DCHS1: variants seen among roughly 807,000 people sequenced by gnomAD.
DCHS1 encodes the protein protocadherin-16.
DCHS1 carries 78 observed loss-of-function variants against 213.9 expected under a neutral mutation model. That is an observed-to-expected ratio of 0.36 (90% confidence interval 0.30 to 0.44). DCHS1 has a LOEUF of 0.44. Among genes scored for constraint, DCHS1 ranks in the 20% least tolerant of loss-of-function variants. DCHS1 has a pLI of 1.00. For missense variants in DCHS1, 3,946 were observed against 4,395.9 expected (o/e 0.90, Z 2.89); for synonymous variants, 1,828 against 1,873.7 (o/e 0.98, Z 0.63).
At chr11:6,642,938 A>T (rs1856100689) in intron 1 of DCHS1, among the ~76,000 whole-genome samples, 1 of 152,112 alleles carries the variant, frequency 6.6e-6, no homozygotes, top group Non-Finnish European at 1.5e-5. Context: ...CGAGAAGTGG[A>T]TAGGTCTCTG....
chr11:6,621,573 G>A lies in DCHS1; in HGVS notation c.*206C>T, dbSNP rs1336156103. 1.4e-6 allele frequency: 1 copy of A among 711,614 alleles called. No homozygotes were observed. The highest frequency in any genetic ancestry group is 2.5e-6 in the Non-Finnish European group (1 of 395,596). The allele number at this position is 711,614 out of a possible 1,614,324, so 44.1% of individuals were successfully genotyped here. On this transcript the variant is annotated 3_prime_UTR_variant, in exon 21 of 21. Transcript: ENST00000299441. ...CCTCCTTCATATTTCTCCCCACATT[G>A]GACCTGGTCACAGGTCAGTGAGCAA... is the stretch of plus-strand genomic sequence containing the variant.
At position 6,625,873 on chromosome 11, in the gene DCHS1, T is replaced by C. The variant is rs1300731245; in HGVS notation, c.6731+47A>G. 4 of 1,603,118 alleles carry C rather than the reference T, an allele frequency of 2.5e-6. No homozygotes were observed. The highest frequency in any genetic ancestry group is 3.4e-6 in the Non-Finnish European group (4 of 1,175,000). On this transcript the variant is annotated intron_variant, in intron 17 of 20. Transcript: ENST00000299441. This position sits in a 1 kb window ranked among gnomAD's most constrained non-coding sequence, Gnocchi z 5.3. The stretch of plus-strand genomic sequence containing the variant: ...ATGAGTTCAAGGCAGGGCTTGAAAC[T>C]GGACAGGCCCAAGATGGGGTCTTGG...
intron 2 of DCHS1, 131 bp downstream of exon 2, chr11:6,639,686 A>G (rs970811563): frequency 5.9e-5 from 47 of 791,320 alleles, no homozygotes; most frequent in Middle Eastern, 3.7e-4. Flanking sequence ...GGAGCTTACA[A>G]CATAGGGCAG....
rs758656034 is a variant in DCHS1, at chr11:6,621,707, G to C, written c.*72C>G. The C allele has an allele frequency of 5.5e-5, 83 of 1,513,910 alleles. No individual in the cohort carries two copies. The highest frequency in any genetic ancestry group is 7.0e-5 in the Non-Finnish European group (79 of 1,125,014). The allele number at this position is 1,513,910 out of a possible 1,614,324, so 93.8% of individuals were successfully genotyped here. ...CCAGTCATAGTCCGAGGCTGCCCAGGGCAGGCTCAGAGTGGGGCCTGCGTT... is the reference window on the plus strand; with the variant it reads ...CCAGTCATAGTCCGAGGCTGCCCAGCGCAGGCTCAGAGTGGGGCCTGCGTT... On this transcript the variant is annotated 3_prime_UTR_variant, in exon 21 of 21. Transcript: ENST00000299441.
chr11:6,623,620 G>A lies in DCHS1; in HGVS notation c.8056C>T (p.His2686Tyr). The change falls in exon 21 of 21, where the codon CAC becomes TAC. Residue 2686 changes from histidine (H) to tyrosine (Y), a missense_variant. His to Tyr is a moderately conservative substitution (Grantham distance 83). Around this residue, in one of 3 missense-constraint regions of DCHS1, gnomAD observed 3,384 missense variants for 3,780.1 expected, o/e 0.90. Transcript: ENST00000299441. Reference protein sequence around the residue: ...VVQAADPAGAHFALAPVTIEV... With the variant: ...VVQAADPAGAYFALAPVTIEV... ...ATTGTCACTGGTGCCAAAGCAAAGT[G>A]TGCACCAGCAGGGTCAGCAGCCTGT... The A allele has an allele frequency of 6.2e-7, 1 of 1,613,818 alleles. No individual in the cohort carries two copies. The highest frequency in any genetic ancestry group is 1.1e-5 in the South Asian group (1 of 91,084).
intron 1 of DCHS1, among the ~76,000 whole-genome samples, chr11:6,654,991 AC>A (rs57743591): frequency 0.39 from 58,223 of 148,884 alleles, 12,325 homozygotes; most frequent in African/African-American, 0.56. Flanking sequence ...CGTCTGGGTG[AC>A]CCCCCCCTCC....
Position 6,638,891 on chromosome 11 carries a change from T to G in DCHS1, c.1797+926A>C, listed in dbSNP as rs562635848. 2.2e-3 allele frequency among the ~76,000 whole-genome samples: 335 copies of G among 152,152 alleles called. 2 individuals carry two copies. The highest frequency in any genetic ancestry group is 7.6e-3 in the African/African-American group (315 of 41,506). The stretch of plus-strand genomic sequence containing the variant: ...TTCCCAGCTCAAAGAAATTCAGTGA[T>G]CTCCTCGAGGGCAGATCAAGACCAT... On this transcript the variant is annotated intron_variant, in intron 2 of 20. Coordinates refer to ENST00000299441, the MANE Select transcript of DCHS1 (RefSeq NM_003737.4).
chr11:6,652,065 C>T (rs910640728), intron 1 of DCHS1, among the ~76,000 whole-genome samples: 2 of 152,152 alleles, frequency 1.3e-5, no homozygotes, highest in African/African-American at 4.8e-5. Flanking sequence ...CTTTAAGGAA[C>T]AGTGACATTC....
Position 6,625,095 on chromosome 11 carries a change from C to T in DCHS1, c.7146+103G>A. On this transcript the variant is annotated intron_variant, in intron 19 of 20. Coordinates refer to ENST00000299441, the MANE Select transcript of DCHS1 (RefSeq NM_003737.4). This position sits in a 1 kb window ranked among gnomAD's most constrained non-coding sequence, Gnocchi z 5.3. Reference sequence around the variant, plus strand: ...ACTTGGGACCTTCCCATTCCCAGATCAGCTCCAACGTCCAGCCCACCTCAG... The same window carrying T: ...ACTTGGGACCTTCCCATTCCCAGATTAGCTCCAACGTCCAGCCCACCTCAG... The T allele has an allele frequency of 6.8e-7, 1 of 1,475,846 alleles. No homozygotes were observed. The highest frequency in any genetic ancestry group is 1.4e-5 in the South Asian group (1 of 73,706). The allele number at this position is 1,475,846 out of a possible 1,614,324, so 91.4% of individuals were successfully genotyped here.
intron 1 of DCHS1, among the ~76,000 whole-genome samples, chr11:6,643,890 A>G (rs1383099623): frequency 6.6e-6 from 1 of 152,178 alleles, no homozygotes; most frequent in Non-Finnish European, 1.5e-5. Context: ...CAGGTGTCCA[A>G]CTAGCAATCC....
At chr11:6,651,765 G>A (rs972242241) in intron 1 of DCHS1, among the ~76,000 whole-genome samples, 2 of 152,182 alleles carry the variant, frequency 1.3e-5, no homozygotes, top group Admixed American at 6.5e-5. Context: ...TATGGGATAC[G>A]TGGAGAAGGG....
chr11:6,632,510 T>C lies in DCHS1; in HGVS notation c.3002A>G (p.Asn1001Ser), dbSNP rs1025532984. 3 of 1,552,278 alleles carry C rather than the reference T, an allele frequency of 1.9e-6. No homozygotes were observed. The highest frequency in any genetic ancestry group is 1.7e-6 in the Non-Finnish European group (2 of 1,147,596). Residue 1001 changes from asparagine (N) to serine (S), a missense_variant, in exon 6 of 21, where the codon AAC (asparagine) becomes AGC (serine). Coordinates refer to ENST00000299441, the MANE Select transcript of DCHS1 (RefSeq NM_003737.4). The surrounding 1 kb of genome is among the most constrained non-coding windows in gnomAD (Gnocchi z 5.9). ...CAGGTCCACACGGTAGGTAGGGCTGTTGAATCGGGGAGCCAGCCCACGGGT... is the reference window on the plus strand; with the variant it reads ...CAGGTCCACACGGTAGGTAGGGCTGCTGAATCGGGGAGCCAGCCCACGGGT... ...VGTRGLAPRF[N>S]SPTYRVDLPS...
Position 6,633,874 on chromosome 11 carries a change from G to C in DCHS1, c.2133C>G (p.Asp711Glu). The change falls in exon 4 of 21, where the codon GAC becomes GAG. Residue 711 changes from aspartate (D) to glutamate (E), a missense_variant. Coordinates refer to ENST00000299441, the MANE Select transcript of DCHS1 (RefSeq NM_003737.4). ...GTCGCCCATGGGATCCCTGGTCAGG[G>C]TCATGGGCACGCAACCTCAGCACAG... ...GTAVLRLRAH[D>E]PDQGSHGRLS... The C allele has an allele frequency of 6.2e-7, 1 of 1,614,022 alleles. No individual in the cohort carries two copies.
At position 6,640,286 on chromosome 11, in the gene DCHS1, G is replaced by A. The variant is rs746821895; in HGVS notation, c.1328C>T (p.Thr443Ile). The A allele has an allele frequency of 4.4e-6, 7 of 1,607,918 alleles. No homozygotes were observed. Among genetic ancestry groups the A allele is most frequent in the Admixed American group, 1.7e-5 (1 of 58,832 alleles). The change falls in exon 2 of 21, where the codon ACA (threonine) becomes ATA (isoleucine). Residue 443 changes from threonine (T) to isoleucine (I), a missense_variant. Thr to Ile is a moderately conservative substitution (Grantham distance 89, BLOSUM62 -1). Transcript: ENST00000299441. The surrounding 1 kb of genome is among the most constrained non-coding windows in gnomAD (Gnocchi z 6.5). ...TGGAGGTGAGCCTGAGTCTGTGGCT[G>A]TAACCCTCAAGTTATAGGCATCCCT... The part of the protein sequence containing the change: ...EERDAYNLRV[T>I]ATDSGSPPLR...
In DCHS1 at chr11:6,630,691, G is replaced by C; in HGVS notation, c.4103C>G (p.Thr1368Arg). The C allele has an allele frequency of 6.5e-7, 1 of 1,544,176 alleles. No homozygotes were observed. Among genetic ancestry groups the C allele is most frequent in the Non-Finnish European group, 8.7e-7 (1 of 1,147,614 alleles). The change falls in exon 10 of 21, where the codon ACA becomes AGA. Residue 1368 changes from threonine (T) to arginine (R), a missense_variant. By Grantham distance (71) the Thr-to-Arg change is moderately conservative. Coordinates refer to ENST00000299441, the MANE Select transcript of DCHS1 (RefSeq NM_003737.4). ...CTCGGGATCGGCACCGCCCACCAGT[G>C]TGTAGGTGAGTGCACCCACACCCGC... ...EPAGVGALTYTLVGGADPEGT... is the reference protein window; with the variant it reads ...EPAGVGALTYRLVGGADPEGT...
chr11:6,621,445 G>A lies in DCHS1; in HGVS notation c.*334C>T. The stretch of plus-strand genomic sequence containing the variant: ...GAGCTGGGTCCAAACATGTTGGAGG[G>A]ACCTCCTCCATCCCCCTACCCCCAA... On this transcript the variant is annotated 3_prime_UTR_variant, in exon 21 of 21. Transcript: ENST00000299441. 2.3e-6 allele frequency: 1 copy of A among 427,604 alleles called. No homozygotes were observed. Among genetic ancestry groups the A allele is most frequent in the Non-Finnish European group, 4.5e-6 (1 of 224,562 alleles). 26.5% of individuals were successfully genotyped at this position (427,604 alleles called of 1,614,324 possible). A position where few individuals can be genotyped will look rare whatever the true frequency, so the allele number is the denominator to read the frequency against.
In DCHS1 at chr11:6,627,154, G is replaced by C. The variant is rs371310800; in HGVS notation, c.5885C>G (p.Thr1962Ser). The C allele has an allele frequency of 5.0e-6, 8 of 1,612,234 alleles. No homozygotes were observed. Among genetic ancestry groups the C allele is most frequent in the Non-Finnish European group, 6.8e-6 (8 of 1,178,936 alleles). Residue 1962 changes from threonine to serine, a missense_variant, in exon 14 of 21, where the codon ACC (threonine) becomes AGC (serine). Physicochemically the swap from Thr to Ser is moderately conservative, Grantham distance 58. Around this residue, in one of 3 missense-constraint regions of DCHS1, gnomAD observed 3,384 missense variants for 3,780.1 expected, o/e 0.90. Transcript: ENST00000299441. This position sits in a 1 kb window ranked among gnomAD's most constrained non-coding sequence, Gnocchi z 5.4. ...GGGCAGACGTAGGCGCAGAGGACTG[G>C]TGGGGAAGGTGGGTGCATGGTCATT... ...DVNDHAPTFP[T>S]SPLRLRLPRP...
chr11:6,640,815 T>A lies in DCHS1; in HGVS notation c.799A>T (p.Ser267Cys). 6.2e-7 allele frequency: 1 copy of A among 1,614,022 alleles called. No individual in the cohort carries two copies. The highest frequency in any genetic ancestry group is 1.6e-4 in the Middle Eastern group (1 of 6,062). The change falls in exon 2 of 21, where the codon AGC (serine) becomes TGC (cysteine). Residue 267 changes from serine to cysteine, a missense_variant. This residue lies in a region of DCHS1 where 3,384 missense variants were observed against 3,780.1 expected (regional missense o/e 0.90). Transcript: ENST00000299441. The surrounding 1 kb of genome is among the most constrained non-coding windows in gnomAD (Gnocchi z 6.5). ...QSRYHAVVSESLAPGSPVLQV... is the reference protein window; with the variant it reads ...QSRYHAVVSECLAPGSPVLQV... ...AAGACAGGACTGCCAGGGGCCAGGC[T>A]CTCAGACACCACAGCATGGTAGCGG...
Position 6,641,063 on chromosome 11 carries a change from C to A in DCHS1, c.551G>T (p.Gly184Val), listed in dbSNP as rs1856065942. Residue 184 changes from glycine to valine, a missense_variant, in exon 2 of 21, where the codon GGT becomes GTT. Physicochemically the swap from Gly to Val is moderately radical, Grantham distance 109. Transcript: ENST00000299441. The surrounding 1 kb of genome is among the most constrained non-coding windows in gnomAD (Gnocchi z 7.1). Reference protein sequence around the residue: ...RLGTQGYALSGDGAGETFRLE... With the variant: ...RLGTQGYALSVDGAGETFRLE... Reference sequence around the variant, plus strand: ...CCGGAAGGTCTCTCCAGCCCCATCACCAGATAGCGCATAGCCCTGGGTTCC... The same window carrying A: ...CCGGAAGGTCTCTCCAGCCCCATCAACAGATAGCGCATAGCCCTGGGTTCC... 1.2e-6 allele frequency: 2 copies of A among 1,614,034 alleles called. No homozygotes were observed. The highest frequency in any genetic ancestry group is 8.5e-7 in the Non-Finnish European group (1 of 1,179,896).
Sources: allele counts gnomAD v4.1 joint callset (sites outside exome capture counted in the v4.1 genomes callset), GRCh38; gene constraint gnomAD v4.1.1; regional missense constraint gnomAD v4.1.1; non-coding constraint Gnocchi (gnomAD v3.1); transcripts MANE v1.5; gene names NCBI Gene and HGNC (gene_info 2026-07-23, HGNC 2026-07-21).